IL23R: variants seen among roughly 807,000 people sequenced by gnomAD.
IL23R encodes interleukin 23 receptor.
In IL23R, 34 loss-of-function variants were observed where a neutral mutation model predicts 56.9. That is an observed-to-expected ratio of 0.60 (90% CI 0.45 to 0.80). IL23R has a LOEUF of 0.80. Among genes scored for constraint, IL23R ranks in the 30% least tolerant of loss-of-function variants. IL23R has a pLI of 0.00. For synonymous variants in IL23R, 230 were observed against 249.2 expected, an observed-to-expected ratio of 0.92 and a Z score of 0.73; for missense variants, 635 against 730.0, an observed-to-expected ratio of 0.87 and a Z score of 1.50.
Position 67,219,600 on chromosome 1 carries a change from A to G in IL23R, c.825A>G (p.Thr275=), listed in dbSNP as rs775252483. ...TTAAAGAATTTGACACCAATTTTACATATGTGCAACAGTCAGAATTCTACT... is the reference window on the plus strand; with the variant it reads ...TTAAAGAATTTGACACCAATTTTACGTATGTGCAACAGTCAGAATTCTACT... ...WNVKEFDTNF[T]YVQQSEFYLE... is the part of the protein sequence containing the mutation. Residue 275 remains threonine (T), a synonymous_variant, in exon 7 of 11, where the codon ACA becomes ACG. Transcript: ENST00000347310. 12 of 1,613,946 alleles carry G rather than the reference A, an allele frequency of 7.4e-6. No homozygotes were observed. The highest frequency in any genetic ancestry group is 4.5e-5 in the East Asian group (2 of 44,892).
chr1:67,185,155 C>T (rs1647256493), intron 4 of IL23R, among the ~76,000 whole-genome samples: 2 of 152,182 alleles, frequency 1.3e-5, no homozygotes, highest in African/African-American at 2.4e-5. Context: ...ACTAAGACAG[C>T]TGCATACAAT....
At chr1:67,175,023 T>C (rs1646989842) in intron 3 of IL23R, among the ~76,000 whole-genome samples, 1 of 152,020 alleles carries the variant, frequency 6.6e-6, no homozygotes, top group Non-Finnish European at 1.5e-5. Flanking sequence ...TCTTGAGTCA[T>C]ATGTTCATTC....
chr1:67,178,223 C>T (rs1342506633), intron 3 of IL23R, among the ~76,000 whole-genome samples: 2 of 152,156 alleles, frequency 1.3e-5, no homozygotes, highest in Middle Eastern at 3.2e-3. Flanking sequence ...TGGCCATTTT[C>T]ACGATATTGA....
chr1:67,262,793 T>C (rs1653234076), downstream of IL23R, among the ~76,000 whole-genome samples: 1 of 151,644 alleles, frequency 6.6e-6, no homozygotes, highest in Non-Finnish European at 1.5e-5. Context: ...TTGGTATGGG[T>C]AAAGGGGAAG....
downstream of IL23R, among the ~76,000 whole-genome samples, chr1:67,263,633 A>G (rs540983867): frequency 9.2e-5 from 14 of 152,308 alleles, no homozygotes; most frequent in African/African-American, 3.4e-4. Flanking sequence ...TCTGTTGGCT[A>G]GGCACAGTGG....
intron 7 of IL23R, among the ~76,000 whole-genome samples, chr1:67,228,363 C>CTTTTTTTTTTTTTTTTTTTTTT (rs78083258): frequency 1.9e-5 from 2 of 105,784 alleles, no homozygotes; most frequent in Admixed American, 1.3e-4. Flanking sequence ...TTTTTTCTTC[C>CTTTTTTTTTTTTTTTTTTTTTT]TTTTTTTTTT....
chr1:67,262,167 T>A (rs1239623436), downstream of IL23R, among the ~76,000 whole-genome samples: 1 of 152,196 alleles, frequency 6.6e-6, no homozygotes, highest in Non-Finnish European at 1.5e-5. Flanking sequence ...ATGTCCTTAC[T>A]GTTATATGTG....
At chr1:67,176,756 G>C (rs2102568350) in intron 3 of IL23R, among the ~76,000 whole-genome samples, 1 of 152,124 alleles carries the variant, frequency 6.6e-6, no homozygotes, top group East Asian at 1.9e-4. Context: ...TTTAACATTA[G>C]GTATATCTCC....
intron 4 of IL23R, among the ~76,000 whole-genome samples, chr1:67,195,301 G>A (rs528547295): frequency 1.2e-4 from 19 of 152,318 alleles, no homozygotes; most frequent in African/African-American, 4.6e-4. Flanking sequence ...CCAAAGTGCT[G>A]GGATTACAGG....
At chr1:67,263,115 T>A (rs1653263454), downstream of IL23R, among the ~76,000 whole-genome samples, 1 of 112,286 alleles carries the variant, frequency 8.9e-6, no homozygotes, top group Non-Finnish European at 1.9e-5. Flanking sequence ...TTCTTTCCTT[T>A]TTTTTTTTTT....
chr1:67,207,981 G>T (rs116360994), intron 6 of IL23R, among the ~76,000 whole-genome samples: 1 of 152,172 alleles, frequency 6.6e-6, no homozygotes, highest in African/African-American at 2.4e-5. Flanking sequence ...TAAAATCTAG[G>T]CTGGGGTGGT....
chr1:67,192,269 A>G (rs527677151), intron 4 of IL23R, among the ~76,000 whole-genome samples: 1 of 152,318 alleles, frequency 6.6e-6, no homozygotes, highest in African/African-American at 2.4e-5. Flanking sequence ...AAGGATGTCT[A>G]GTGATAAACC....
At chr1:67,163,496 A>AG (rs1646842010), upstream of IL23R, among the ~76,000 whole-genome samples, 7 of 142,822 alleles carry the variant, frequency 4.9e-5, no homozygotes, top group African/African-American at 1.8e-4. Flanking sequence ...AAAAAAAAAA[A>AG]AAGACAGAAA....
intron 9 of IL23R, among the ~76,000 whole-genome samples, chr1:67,242,334 AG>A (rs1425730531): frequency 6.6e-6 from 1 of 152,208 alleles, no homozygotes; most frequent in Non-Finnish European, 1.5e-5. Context: ...TCCATGTATA[AG>A]GCTGGCTGCA....
intron 9 of IL23R, among the ~76,000 whole-genome samples, chr1:67,247,814 G>A (rs986699836): frequency 2.6e-5 from 4 of 152,166 alleles, no homozygotes; most frequent in Admixed American, 1.3e-4. Context: ...GCCTGGTGGT[G>A]ACAGAATCTC....
chr1:67,161,767 A>G (rs1646822952), upstream of IL23R, among the ~76,000 whole-genome samples: 1 of 151,958 alleles, frequency 6.6e-6, no homozygotes, highest in African/African-American at 2.4e-5. Context: ...AGCTGGGATT[A>G]CAGACATGAG....
chr1:67,209,783 C>T (rs1327048903), intron 6 of IL23R, among the ~76,000 whole-genome samples: 1 of 152,190 alleles, frequency 6.6e-6, no homozygotes, highest in Admixed American at 6.5e-5. Flanking sequence ...GAAAACCACT[C>T]TAGCTTTAAT....
At chr1:67,186,830 A>T (rs966576227) in intron 4 of IL23R, among the ~76,000 whole-genome samples, 1 of 152,118 alleles carries the variant, frequency 6.6e-6, no homozygotes, top group Non-Finnish European at 1.5e-5. Flanking sequence ...CATGTTGCCC[A>T]GGCTGGTATG....
In IL23R at chr1:67,250,936, T is replaced by C. The variant is rs147209365; in HGVS notation, c.1149-4901T>C. On this transcript the variant is annotated intron_variant, in intron 9 of 10. Transcript: ENST00000347310. The stretch of plus-strand genomic sequence containing the variant: ...CAAAATGGATTTCGAGAGAGATCTA[T>C]TTGCTTTTAATTCTTGAGGTTCCAT... Among the ~76,000 whole-genome samples, 77 of 152,310 alleles carry C rather than the reference T, an allele frequency of 5.1e-4. 1 individual carries two copies. In the East Asian group the frequency reaches 0.014, roughly 27 times the overall value.
Sources: allele counts gnomAD v4.1 joint callset (sites outside exome capture counted in the v4.1 genomes callset), GRCh38; gene constraint gnomAD v4.1.1; transcripts MANE v1.5; gene names NCBI Gene and HGNC (gene_info 2026-07-23, HGNC 2026-07-21).